Variants in CHCHD3 observed in about 807,000 individuals in gnomAD.
The protein encoded by CHCHD3 is MICOS complex subunit MIC19.
In CHCHD3, 20 loss-of-function variants were observed where a neutral mutation model predicts 38.2. That is an observed-to-expected ratio of 0.52 (90% CI 0.37 to 0.76). The LOEUF is 0.76. Among genes scored for constraint, CHCHD3 ranks in the 30% least tolerant of loss-of-function variants. The pLI is 0.00. For synonymous variants in CHCHD3, 82 were observed against 100.0 expected (o/e 0.82, Z 1.07); for missense variants, 245 against 279.2 (o/e 0.88, Z 0.87).
chr7:133,057,527 A>C (rs1814378389), intron 2 of CHCHD3, among the ~76,000 whole-genome samples: 1 of 152,018 alleles, frequency 6.6e-6, no homozygotes. Flanking sequence ...ATACCATAGC[A>C]CTCCAGCTAG....
intron 4 of CHCHD3, among the ~76,000 whole-genome samples, chr7:132,947,126 A>G (rs1810920950): frequency 6.6e-6 from 1 of 152,000 alleles, no homozygotes; most frequent in African/African-American, 2.4e-5. Context: ...AAGCAAGTAG[A>G]CAATTAGATA....
At chr7:132,919,178 G>C (rs948360334) in intron 4 of CHCHD3, among the ~76,000 whole-genome samples, 1 of 126,238 alleles carries the variant, frequency 7.9e-6, no homozygotes, top group Non-Finnish European at 1.6e-5. Flanking sequence ...GCGCGATCTC[G>C]GCTCACTGCA....
intron 4 of CHCHD3, among the ~76,000 whole-genome samples, chr7:132,956,688 C>A (rs1291463871): frequency 6.6e-6 from 1 of 152,222 alleles, no homozygotes; most frequent in Non-Finnish European, 1.5e-5. Context: ...TATTTACTCA[C>A]TATCTCACTC....
At position 132,909,327 on chromosome 7, in the gene CHCHD3, C is replaced by T. The variant is rs191100185; in HGVS notation, c.370-23582G>A. Among the ~76,000 whole-genome samples the T allele has an allele frequency of 2.2e-3, 339 of 152,120 alleles. 1 individual carries two copies. The highest frequency in any genetic ancestry group is 3.0e-3 in the Non-Finnish European group (203 of 68,006). On this transcript the variant is annotated intron_variant, in intron 4 of 7. Transcript: ENST00000262570. The stretch of plus-strand genomic sequence containing the variant: ...TGGCCAACATGGTGAAACCCCGTCT[C>T]TAATAAAAACACAAAAATTAGCCAG...
At chr7:132,834,296 A>C (rs1264066757) in intron 6 of CHCHD3, among the ~76,000 whole-genome samples, 1 of 152,172 alleles carries the variant, frequency 6.6e-6, no homozygotes, top group Non-Finnish European at 1.5e-5. Flanking sequence ...CTAGGTGTGA[A>C]GCTAATGAAC....
chr7:132,896,854 TCAAAGCTA>T (rs1809513114), intron 4 of CHCHD3, among the ~76,000 whole-genome samples: 1 of 152,214 alleles, frequency 6.6e-6, no homozygotes, highest in Non-Finnish European at 1.5e-5. Context: ...CTTAAAAACT[TCAAAGCTA>T]AGAATTAGCA....
At chr7:132,789,144 G>C (rs1419950740) in intron 7 of CHCHD3, among the ~76,000 whole-genome samples, 1 of 152,128 alleles carries the variant, frequency 6.6e-6, no homozygotes, top group Non-Finnish European at 1.5e-5. Context: ...CGTAAGTACT[G>C]CTGTTGGGCT....
chr7:133,025,165 T>C (rs1375019955), intron 2 of CHCHD3, among the ~76,000 whole-genome samples: 1 of 152,224 alleles, frequency 6.6e-6, no homozygotes, highest in Non-Finnish European at 1.5e-5. Context: ...TTGGAATACA[T>C]GTCATTCAAA....
rs545698656 is a variant in CHCHD3 at position 133,028,699 on chromosome 7, A to G, written c.170-4072T>C. Among the ~76,000 whole-genome samples the G allele has an allele frequency of 1.2e-4, 19 of 152,306 alleles. No homozygotes were observed. In the East Asian group the frequency reaches 2.9e-3, roughly 23 times the overall value. On this transcript the variant is annotated intron_variant, in intron 2 of 7. Transcript: ENST00000262570. ...CAGGAGTTTGAGACCAGCCTGACCA[A>G]CATGGTGAAACCCTGTCTCTACTAC...
intron 7 of CHCHD3, among the ~76,000 whole-genome samples, chr7:132,787,083 G>A (rs559938049): frequency 4.6e-5 from 7 of 152,218 alleles, no homozygotes; most frequent in Middle Eastern, 3.4e-3. Context: ...GGGAGAAAGC[G>A]GTGGCCAGGA....
intron 2 of CHCHD3, among the ~76,000 whole-genome samples, chr7:133,064,740 C>T (rs539310725): frequency 9.9e-5 from 15 of 152,190 alleles, no homozygotes; most frequent in East Asian, 1.9e-4. Flanking sequence ...TTCACAATGA[C>T]GAGAAATTTA....
chr7:132,838,766 A>T lies in CHCHD3; in HGVS notation c.454-297T>A, dbSNP rs548652109. Among the ~76,000 whole-genome samples the T allele has an allele frequency of 9.8e-5, 15 of 152,348 alleles. No individual in the cohort carries two copies. The East Asian group carries it at 2.9e-3, about 29-fold the overall frequency. ...TTTTGGAAAGATTCTTTAGATTGCC[A>T]TTATTTGGAATCTACCCTTGTAAGA... is the stretch of plus-strand genomic sequence containing the variant. On this transcript the variant is annotated intron_variant, in intron 5 of 7. Coordinates refer to ENST00000262570, the MANE Select transcript of CHCHD3 (RefSeq NM_017812.4).
At chr7:132,876,672 T>C (rs1446983883) in intron 5 of CHCHD3, among the ~76,000 whole-genome samples, 4 of 152,178 alleles carry the variant, frequency 2.6e-5, no homozygotes, top group African/African-American at 9.7e-5. Context: ...ATATTTTCTC[T>C]TTCTCAGAGC....
intron 6 of CHCHD3, among the ~76,000 whole-genome samples, chr7:132,811,266 G>A (rs955674099): frequency 5.3e-5 from 8 of 152,120 alleles, no homozygotes; most frequent in Non-Finnish European, 8.8e-5. Context: ...CTCCTGAGAT[G>A]GTTCTCACCA....
chr7:132,974,095 T>C, intron 4 of CHCHD3: 1 of 1,157,794 alleles, frequency 8.6e-7, no homozygotes, highest in Non-Finnish European at 1.1e-6. Flanking sequence ...TATTCAGCCA[T>C]TAAAAACTAC....
intron 4 of CHCHD3, among the ~76,000 whole-genome samples, chr7:132,917,651 G>A (rs1194144425): frequency 6.6e-6 from 1 of 152,122 alleles, no homozygotes; most frequent in Non-Finnish European, 1.5e-5. Flanking sequence ...GAGGTCAGGA[G>A]ATCGAGACCA....
chr7:133,076,418 G>A (rs1000474661), intron 1 of CHCHD3, among the ~76,000 whole-genome samples: 1 of 152,124 alleles, frequency 6.6e-6, no homozygotes, highest in African/African-American at 2.4e-5. Flanking sequence ...TGAACTAAAA[G>A]AGCCACCATT....
chr7:133,035,955 A>G lies in CHCHD3; in HGVS notation c.170-11328T>C, dbSNP rs1246348701. On this transcript the variant is annotated intron_variant, in intron 2 of 7. Transcript: ENST00000262570. The surrounding 1 kb of genome is among the most constrained non-coding windows in gnomAD (Gnocchi z 4.7). ...GCAAAGAAAGGCTGGATCCAGTCTT[A>G]AAAGTGTTATCAGGTAGGGGTCCTT... The G allele has an allele frequency of 6.9e-7, 1 of 1,448,284 alleles. No individual in the cohort carries two copies. The highest frequency in any genetic ancestry group is 2.4e-5 in the East Asian group (1 of 42,472). The allele number at this position is 1,448,284 out of a possible 1,614,324, so 89.7% of individuals were successfully genotyped here.
At chr7:132,968,679 C>T (rs1811537627) in intron 4 of CHCHD3, among the ~76,000 whole-genome samples, 1 of 152,122 alleles carries the variant, frequency 6.6e-6, no homozygotes, top group African/African-American at 2.4e-5. Context: ...ATAAAAGAAC[C>T]CGGGAAACCA....
Sources: gnomAD v4.1 joint callset for allele counts (sites outside exome capture counted in the v4.1 genomes callset) on GRCh38, gnomAD v4.1.1 for gene constraint, Gnocchi (gnomAD v3.1) non-coding constraint, MANE v1.5 for transcripts, NCBI Gene and HGNC (gene_info 2026-07-23, HGNC 2026-07-21) for gene names.